NUP205: variants seen among roughly 807,000 people sequenced by gnomAD.
The protein encoded by NUP205 is nucleoporin 205, also known as nuclear pore complex protein Nup205.
In NUP205, 76 loss-of-function variants were observed where a neutral mutation model predicts 253.8. That is an observed-to-expected ratio of 0.30 (90% confidence interval 0.25 to 0.36). The LOEUF (loss-of-function observed/expected upper bound fraction) is 0.36, where lower values mean the gene tolerates loss of function less well. Among genes scored for constraint, NUP205 ranks in the 10% least tolerant of loss-of-function variants. The probability of loss-of-function intolerance (pLI) is 1.00; values close to 1 mark genes in which losing one functional copy is unlikely to be tolerated. For missense variants in NUP205, 2,162 were observed against 2,425.5 expected (o/e 0.89, Z 2.28); for synonymous variants, 832 against 850.1 (o/e 0.98, Z 0.37).
chr7:135,574,183 T>C (rs181015496), intron 3 of NUP205, among the ~76,000 whole-genome samples: 1 of 152,244 alleles, frequency 6.6e-6, no homozygotes, highest in Admixed American at 6.5e-5. Context: ...AGTTTAGTGA[T>C]CAGAATTGTT....
Position 135,588,022 on chromosome 7 carries a change from T to C in NUP205, c.1473+30T>C, listed in dbSNP as rs781557381. 3.2e-6 allele frequency: 5 copies of C among 1,575,006 alleles called. No homozygotes were observed. In the South Asian group the frequency reaches 5.9e-5, roughly 19 times the overall value. ...GTCTTTAGGTTTTCCTCTTTTATAC[T>C]CTGGTACTGTGATAGAGAGTCTTGA... On this transcript the variant is annotated intron_variant, in intron 10 of 42. Coordinates refer to ENST00000285968, the MANE Select transcript of NUP205 (RefSeq NM_015135.3).
chr7:135,561,377 C>T (rs1355926582), intron 1 of NUP205, among the ~76,000 whole-genome samples: 1 of 152,024 alleles, frequency 6.6e-6, no homozygotes. Flanking sequence ...ACAAAAAAAC[C>T]TATGCTTGTA....
At chr7:135,575,852 A>G (rs533668709) in intron 3 of NUP205, among the ~76,000 whole-genome samples, 3 of 152,326 alleles carry the variant, frequency 2.0e-5, no homozygotes, top group African/African-American at 7.2e-5. Flanking sequence ...TTGAATTATA[A>G]AAAGGTTGTT....
chr7:135,599,803 G>C (rs1793925693), intron 15 of NUP205, among the ~76,000 whole-genome samples: 1 of 152,106 alleles, frequency 6.6e-6, no homozygotes, highest in African/African-American at 2.4e-5. Flanking sequence ...ACTTGAAAGT[G>C]TTCTTGAGAT....
At chr7:135,576,200 A>G (rs1328444566) in intron 3 of NUP205, 70 bp from the exon 4 acceptor site, 1 of 1,345,614 alleles carries the variant, frequency 7.4e-7, no homozygotes, top group East Asian at 2.3e-5. Context: ...ACATTGTTAT[A>G]TTGATTTTTG....
intron 4 of NUP205, among the ~76,000 whole-genome samples, chr7:135,576,717 A>G (rs1014630807): frequency 3.9e-5 from 6 of 152,118 alleles, no homozygotes; most frequent in Non-Finnish European, 8.8e-5. Flanking sequence ...TCCCATCTCT[A>G]CAAAAAATAG....
chr7:135,640,721 G>T (rs1396359335), intron 38 of NUP205, among the ~76,000 whole-genome samples: 2 of 152,070 alleles, frequency 1.3e-5, no homozygotes, highest in African/African-American at 4.8e-5. Context: ...TTATTTAAAG[G>T]TATCTTTCAG....
In NUP205 at chr7:135,622,770, C is replaced by G. The variant is rs1371467830; in HGVS notation, c.4331-7C>G. 2 of 1,611,750 alleles carry G rather than the reference C, an allele frequency of 1.2e-6. No homozygotes were observed. Among genetic ancestry groups the G allele is most frequent in the African/African-American group, 2.7e-5 (2 of 74,532 alleles). ...TGGAGTGTTTTTTTCTGTTTTAATCCTTTTAGCCAAGAAAACCATGTGGGA... is the reference window on the plus strand; with the variant it reads ...TGGAGTGTTTTTTTCTGTTTTAATCGTTTTAGCCAAGAAAACCATGTGGGA... On this transcript the variant is annotated splice_region_variant and splice_polypyrimidine_tract_variant and intron_variant, in intron 30 of 42. Coordinates refer to ENST00000285968, the MANE Select transcript of NUP205 (RefSeq NM_015135.3).
intron 20 of NUP205, 30 bp from the exon 21 acceptor site, chr7:135,606,721 G>A (rs1163768890): frequency 1.3e-6 from 2 of 1,583,854 alleles, no homozygotes; most frequent in Non-Finnish European, 1.7e-6. Flanking sequence ...CCACTGTTTT[G>A]TAATTTTGTT....
intron 4 of NUP205, 89 bp from the exon 5 acceptor site, chr7:135,576,880 T>C (rs908781845): frequency 1.6e-6 from 2 of 1,275,146 alleles, no homozygotes; most frequent in African/African-American, 3.0e-5. Flanking sequence ...AGGCCCTGTC[T>C]CAAAAAAAGA....
chr7:135,582,243 C>T (rs1194137330), intron 7 of NUP205, among the ~76,000 whole-genome samples: 1 of 152,104 alleles, frequency 6.6e-6, no homozygotes, highest in Non-Finnish European at 1.5e-5. Context: ...CAAGATCGCA[C>T]CACTGCACTC....
intron 11 of NUP205, among the ~76,000 whole-genome samples, chr7:135,592,244 T>A (rs981266209): frequency 3.3e-5 from 5 of 152,218 alleles, no homozygotes; most frequent in African/African-American, 1.2e-4. Flanking sequence ...TGCTTTTGCT[T>A]CCGATGCTTG....
intron 37 of NUP205, 114 bp from the exon 38 acceptor site, chr7:135,638,443 A>G: frequency 1.2e-6 from 1 of 805,626 alleles, no homozygotes. Context: ...GAATACACAG[A>G]TGTGAGTCAT....
intron 22 of NUP205, among the ~76,000 whole-genome samples, chr7:135,612,528 A>G (rs1794265616): frequency 6.6e-6 from 1 of 152,230 alleles, no homozygotes; most frequent in Non-Finnish European, 1.5e-5. Context: ...AAACAGCAAA[A>G]TCAACAAAAA....
chr7:135,598,674 C>T (rs928604845), intron 15 of NUP205: 1 of 163,038 alleles, frequency 6.1e-6, no homozygotes, highest in Non-Finnish European at 1.4e-5. Context: ...GCTGAGAGAG[C>T]ACTGATCTTT....
chr7:135,571,392 A>G, intron 2 of NUP205, 145 bp downstream of exon 2: 2 of 380,910 alleles, frequency 5.3e-6, no homozygotes. Context: ...GGTCCTGATG[A>G]CATGTACCCC....
chr7:135,579,358 C>T (rs946155216), intron 7 of NUP205, among the ~76,000 whole-genome samples: 1 of 151,928 alleles, frequency 6.6e-6, no homozygotes, highest in African/African-American at 2.4e-5. Flanking sequence ...CCACACCTGG[C>T]TAATTGTGTA....
chr7:135,634,591 G>A (rs1794774659), intron 35 of NUP205, among the ~76,000 whole-genome samples: 2 of 152,156 alleles, frequency 1.3e-5, no homozygotes. Context: ...TTTTGTTTTG[G>A]AGTACAAGAA....
chr7:135,568,187 C>T (rs544010660), intron 1 of NUP205, among the ~76,000 whole-genome samples: 1 of 151,758 alleles, frequency 6.6e-6, no homozygotes, highest in Admixed American at 6.6e-5. Context: ...TGTGCCACTG[C>T]ACTCCAGCCT....
Sources: allele counts gnomAD v4.1 joint callset (sites outside exome capture counted in the v4.1 genomes callset), GRCh38; gene constraint gnomAD v4.1.1; transcripts MANE v1.5; gene names NCBI Gene and HGNC (gene_info 2026-07-23, HGNC 2026-07-21).